Variants in DLG2 observed in about 807,000 individuals in gnomAD.
The protein encoded by DLG2 is disks large homolog 2.
A neutral mutation model predicts 132.5 loss-of-function variants in DLG2; 45 were observed. That is an observed-to-expected ratio of 0.34 (90% CI 0.27 to 0.44). The LOEUF (loss-of-function observed/expected upper bound fraction) is 0.44. Ranked by LOEUF, DLG2 falls within the 20% of genes least tolerant of loss-of-function variation. The pLI is 1.00. For missense variants in DLG2, 1,045 were observed against 1,196.9 expected, an observed-to-expected ratio of 0.87 and a Z score of 1.87; for synonymous variants, 424 against 419.6, an observed-to-expected ratio of 1.01 and a Z score of -0.13.
intron 18 of DLG2, chr11:83,724,869 C>A: frequency 1.4e-6 from 1 of 702,478 alleles, no homozygotes; most frequent in Non-Finnish European, 2.6e-6. Flanking sequence ...AGCTCTTTAG[C>A]AAGTTTCCAG....
chr11:85,233,725 C>T (rs1445809932), intron 4 of DLG2, among the ~76,000 whole-genome samples: 1 of 143,674 alleles, frequency 7.0e-6, no homozygotes, highest in Non-Finnish European at 1.5e-5. Context: ...TTACCTTGGA[C>T]TCTAGTTTTT....
At chr11:85,008,267 G>A (rs1270202446) in intron 6 of DLG2, among the ~76,000 whole-genome samples, 2 of 152,062 alleles carry the variant, frequency 1.3e-5, no homozygotes, top group African/African-American at 4.8e-5. Flanking sequence ...ACCACTAGAA[G>A]CATGCTGTAA....
At chr11:84,252,546 T>C (rs1315263651) in intron 7 of DLG2, among the ~76,000 whole-genome samples, 1 of 152,184 alleles carries the variant, frequency 6.6e-6, no homozygotes, top group Non-Finnish European at 1.5e-5. Context: ...CTTTCTTTTT[T>C]TTAAAAAAAT....
chr11:84,834,966 C>G (rs1156851928), intron 6 of DLG2, among the ~76,000 whole-genome samples: 5 of 151,416 alleles, frequency 3.3e-5, no homozygotes, highest in African/African-American at 1.2e-4. Flanking sequence ...CTAATACTTC[C>G]TAATAATAAG....
At chr11:84,327,753 G>C (rs13328849) in intron 7 of DLG2, among the ~76,000 whole-genome samples, 1 of 151,990 alleles carries the variant, frequency 6.6e-6, no homozygotes, top group African/African-American at 2.4e-5. Flanking sequence ...TACAAATTAC[G>C]TCTTTTTATA....
intron 3 of DLG2, among the ~76,000 whole-genome samples, chr11:85,487,493 T>A (rs1198023982): frequency 1.4e-5 from 2 of 140,868 alleles, no homozygotes; most frequent in African/African-American, 2.6e-5. Context: ...AAGAACCAAA[T>A]AGAACTTATG....
chr11:85,320,655 A>G lies in DLG2; in HGVS notation c.41-35290T>C, dbSNP rs937145694. Among the ~76,000 whole-genome samples, 11 of 152,138 alleles carry G rather than the reference A, an allele frequency of 7.2e-5. No homozygotes were observed. The South Asian group carries it at 2.1e-3, about 29-fold the overall frequency. On this transcript the variant is annotated intron_variant, in intron 3 of 27. Transcript: ENST00000376104. ...AGTGAGAAAGATTACTTTATATCAA[A>G]TAGTCAGTAAAGAGGTGAAAAGTAG...
intron 6 of DLG2, among the ~76,000 whole-genome samples, chr11:85,003,914 A>C (rs2058420337): frequency 6.6e-6 from 1 of 151,914 alleles, no homozygotes; most frequent in African/African-American, 2.4e-5. Flanking sequence ...TGTTCTCCTT[A>C]CTGTGTCCAT....
chr11:85,527,019 T>G (rs1198257293), intron 3 of DLG2, among the ~76,000 whole-genome samples: 1 of 152,146 alleles, frequency 6.6e-6, no homozygotes, highest in Admixed American at 6.5e-5. Flanking sequence ...TTCTGTAGTT[T>G]TCCTAACTGA....
rs1405881729 is a variant in DLG2 at position 83,803,480 on chromosome 11, C to A, written c.1723-16688G>T. ...TGCAAAAGGAAATACTGAATCAATA[C>A]CATTTTTCACATAAATGCCCTAATT... is the stretch of plus-strand genomic sequence containing the variant. On this transcript the variant is annotated intron_variant, in intron 17 of 27. Transcript: ENST00000376104. 2.0e-5 allele frequency among the ~76,000 whole-genome samples: 3 copies of A among 152,044 alleles called. No individual in the cohort carries two copies. In the East Asian group the frequency reaches 5.8e-4, roughly 29 times the overall value.
intron 19 of DLG2, among the ~76,000 whole-genome samples, chr11:83,578,067 T>C (rs2096911133): frequency 9.6e-6 from 1 of 104,342 alleles, no homozygotes; most frequent in Non-Finnish European, 1.9e-5. Flanking sequence ...TATACATATA[T>C]ATATGTATAC....
chr11:84,245,573 C>T (rs1372912853), intron 8 of DLG2, among the ~76,000 whole-genome samples: 1 of 152,074 alleles, frequency 6.6e-6, no homozygotes, highest in Non-Finnish European at 1.5e-5. Context: ...ATTATTTCTA[C>T]CTCTAGAAAC....
chr11:85,463,989 T>TACACACACACACACACACAC (rs374003945), intron 3 of DLG2, among the ~76,000 whole-genome samples: 6,591 of 139,308 alleles, frequency 0.047, 204 homozygotes, highest in African/African-American at 0.057. Context: ...GACATACATG[T>TACACACACACACACACACAC]ACACACACAC....
chr11:84,979,428 C>T, intron 6 of DLG2, among the ~76,000 whole-genome samples: 1 of 152,098 alleles, frequency 6.6e-6, no homozygotes. Context: ...CAATGATAGA[C>T]TGGATTAAGA....
chr11:84,670,586 A>G (rs2099704709), intron 6 of DLG2, among the ~76,000 whole-genome samples: 1 of 152,136 alleles, frequency 6.6e-6, no homozygotes, highest in East Asian at 1.9e-4. Context: ...GTGGCATAAT[A>G]TAATAATTCA....
chr11:85,415,995 C>T (rs184123642), intron 3 of DLG2, among the ~76,000 whole-genome samples: 18 of 152,142 alleles, frequency 1.2e-4, no homozygotes, highest in African/African-American at 1.9e-4. Flanking sequence ...ATGGTTTTTA[C>T]GGTTTTTAGG....
intron 17 of DLG2, among the ~76,000 whole-genome samples, chr11:83,820,111 G>C (rs1309913845): frequency 6.6e-6 from 1 of 152,070 alleles, no homozygotes; most frequent in Non-Finnish European, 1.5e-5. Context: ...CATTCCACTA[G>C]TGTCTCCAGT....
intron 4 of DLG2, among the ~76,000 whole-genome samples, chr11:85,256,407 G>T (rs555223839): frequency 2.0e-5 from 3 of 152,074 alleles, no homozygotes; most frequent in African/African-American, 4.8e-5. Context: ...TAAAACCTTC[G>T]CATTCATCCT....
intron 6 of DLG2, among the ~76,000 whole-genome samples, chr11:84,893,273 G>C (rs1249035542): frequency 6.6e-6 from 1 of 152,086 alleles, no homozygotes; most frequent in Non-Finnish European, 1.5e-5. Context: ...TCAAGAGTTC[G>C]ACCCTGCATC....
Sources: gnomAD v4.1 joint callset for allele counts (sites outside exome capture counted in the v4.1 genomes callset) on GRCh38, gnomAD v4.1.1 for gene constraint, MANE v1.5 for transcripts, NCBI Gene and HGNC (gene_info 2026-07-23, HGNC 2026-07-21) for gene names.